Variants in ABCG1 observed in about 807,000 individuals in gnomAD.
The protein encoded by ABCG1 is ATP binding cassette subfamily G member 1, also known as ATP-binding cassette sub-family G member 1.
ABCG1 carries 29 observed loss-of-function variants against 69.2 expected under a neutral mutation model. That is an observed-to-expected ratio of 0.42 (90% CI 0.31 to 0.57). ABCG1 has a LOEUF of 0.57. Ranked by LOEUF, ABCG1 falls within the 20% of genes least tolerant of loss-of-function variation. ABCG1 has a pLI of 0.15. For missense variants in ABCG1, 718 were observed against 898.1 expected (o/e 0.80, Z 2.56); for synonymous variants, 370 against 374.8 (o/e 0.99, Z 0.15).
intron 5 of ABCG1, among the ~76,000 whole-genome samples, chr21:42,281,934 C>T (rs1268972294): frequency 6.6e-6 from 1 of 152,246 alleles, no homozygotes. Context: ...CTGGGCTAGG[C>T]TTAGCAGTGA....
chr21:42,243,437 T>TGTGTGC (rs1354089882), intron 2 of ABCG1, among the ~76,000 whole-genome samples: 37 of 71,466 alleles, frequency 5.2e-4, no homozygotes, highest in Non-Finnish European at 7.7e-4. Context: ...TTTAATACCG[T>TGTGTGC]GTGTGTGCGC....
chr21:42,286,219 C>T, intron 8 of ABCG1: 2 of 506,812 alleles, frequency 3.9e-6, no homozygotes, highest in South Asian at 4.4e-5. Flanking sequence ...CTCCTGTCTC[C>T]ATGTCCTAAT....
intron 2 of ABCG1, among the ~76,000 whole-genome samples, chr21:42,253,955 G>A (rs1819266068): frequency 6.6e-6 from 1 of 152,210 alleles, no homozygotes; most frequent in Non-Finnish European, 1.5e-5. Context: ...ATGCTGAGCT[G>A]TGCATAGCAC....
chr21:42,294,699 G>T, intron 14 of ABCG1, 39 bp downstream of exon 14: 1 of 1,581,028 alleles, frequency 6.3e-7, no homozygotes. Context: ...GGGACCGAGG[G>T]TGACGGGGGA....
At chr21:42,253,262 C>G (rs575424547) in intron 2 of ABCG1, among the ~76,000 whole-genome samples, 2 of 152,248 alleles carry the variant, frequency 1.3e-5, no homozygotes, top group African/African-American at 4.8e-5. Flanking sequence ...AGCAGCAGCT[C>G]CAACTAAGGC....
At chr21:42,226,215 G>C (rs187470640) in intron 2 of ABCG1, among the ~76,000 whole-genome samples, 359 of 152,322 alleles carry the variant, frequency 2.4e-3, no homozygotes, top group Non-Finnish European at 4.0e-3. Context: ...CATGTGCTGA[G>C]AGAGTCCTCT....
Position 42,230,623 on chromosome 21 carries a change from A to T in ABCG1, c.286+4709A>T, listed in dbSNP as rs138751089. On this transcript the variant is annotated intron_variant, in intron 2 of 14. Transcript: ENST00000398449. ...TTCTTCTTAGGTAAAGATGATGGGG[A>T]TGAGCAGATTTTATCGTAAGCTGCT... 6.6e-5 allele frequency among the ~76,000 whole-genome samples: 10 copies of T among 152,370 alleles called. No homozygotes were observed. The East Asian group carries it at 1.9e-3, about 29-fold the overall frequency.
intron 2 of ABCG1, among the ~76,000 whole-genome samples, chr21:42,252,498 G>A (rs1326495481): frequency 6.6e-6 from 1 of 152,170 alleles, no homozygotes; most frequent in Non-Finnish European, 1.5e-5. Flanking sequence ...GGGCCGCCGG[G>A]CAGCTGGGGC....
Position 42,225,748 on chromosome 21 carries a change from C to G in ABCG1, c.120C>G (p.Asn40Lys). ...CGGTGGATGAGGTGGTGTCCAGCAA[C>G]ATGGAGGCCACTGAGACGGACCTGC... ...CVSVDEVVSS[N>K]MEATETDLLN... The change falls in exon 2 of 15, where the codon AAC (asparagine) becomes AAG (lysine). Residue 40 changes from asparagine to lysine, a missense_variant. Around this residue, in one of 2 missense-constraint regions of ABCG1, gnomAD observed 514 missense variants for 574.3 expected, o/e 0.90. Transcript: ENST00000398449. 6.2e-7 allele frequency: 1 copy of G among 1,613,902 alleles called. No homozygotes were observed. The highest frequency in any genetic ancestry group is 8.5e-7 in the Non-Finnish European group (1 of 1,179,984).
chr21:42,231,700 T>C (rs1200659342), intron 2 of ABCG1, among the ~76,000 whole-genome samples: 1 of 152,156 alleles, frequency 6.6e-6, no homozygotes, highest in Non-Finnish European at 1.5e-5. Context: ...GGCAGCCCGG[T>C]TAAAGGCAGA....
intron 5 of ABCG1, among the ~76,000 whole-genome samples, chr21:42,281,633 T>C (rs1186777519): frequency 1.3e-5 from 2 of 152,182 alleles, no homozygotes; most frequent in Non-Finnish European, 2.9e-5. Flanking sequence ...TCAGAGACCT[T>C]GCTTTCAAGT....
intron 2 of ABCG1, among the ~76,000 whole-genome samples, chr21:42,262,661 T>A (rs2068433279): frequency 1.3e-5 from 2 of 152,216 alleles, no homozygotes; most frequent in African/African-American, 4.8e-5. Flanking sequence ...GGAACCGCTC[T>A]GCGGGGCCTG....
chr21:42,285,979 A>C lies in ABCG1; in HGVS notation c.958A>C (p.Asn320His). Reference protein sequence around the residue: ...DLGLNCPTYHNPADFVMEVAS... With the variant: ...DLGLNCPTYHHPADFVMEVAS... ...GGGTCTGAACTGCCCAACCTACCACAACCCAGCAGATTTTGGTAAGCGGAG... is the reference window on the plus strand; with the variant it reads ...GGGTCTGAACTGCCCAACCTACCACCACCCAGCAGATTTTGGTAAGCGGAG... Residue 320 changes from asparagine to histidine, a missense_variant, in exon 8 of 15, where the codon AAC (asparagine) becomes CAC (histidine). Physicochemically the swap from Asn to His is moderately conservative, Grantham distance 68. Transcript: ENST00000398449. 1 of 1,613,350 alleles carries C rather than the reference A, an allele frequency of 6.2e-7. No homozygotes were observed. Among genetic ancestry groups the C allele is most frequent in the Non-Finnish European group, 8.5e-7 (1 of 1,179,330 alleles).
intron 2 of ABCG1, among the ~76,000 whole-genome samples, chr21:42,249,366 G>T (rs796867498): frequency 3.3e-5 from 5 of 152,126 alleles, no homozygotes; most frequent in African/African-American, 1.2e-4. Flanking sequence ...GTGTCATATT[G>T]TGTGTGGACT....
chr21:42,267,498 T>A (rs1007029557), intron 2 of ABCG1, among the ~76,000 whole-genome samples: 2 of 150,976 alleles, frequency 1.3e-5, no homozygotes, highest in African/African-American at 4.9e-5. Context: ...GGGTTCTGTC[T>A]GGGTGTGGTC....
rs1210069753 is a variant in ABCG1 at position 42,219,398 on chromosome 21, T to A, written c.42+94T>A. ...ACTCGCAAGCTCGACCTGACACCCC[T>A]CCCAGGAGCGCGTCCTCTGGGCGCT... On this transcript the variant is annotated intron_variant, in intron 1 of 14. Transcript: ENST00000398449. This position sits in a 1 kb window ranked among gnomAD's most constrained non-coding sequence, Gnocchi z 5.3. 6.6e-6 allele frequency: 10 copies of A among 1,504,684 alleles called. No individual in the cohort carries two copies. The highest frequency in any genetic ancestry group is 8.9e-6 in the Non-Finnish European group (10 of 1,124,972). 93.2% of individuals were successfully genotyped at this position (1,504,684 alleles called of 1,614,324 possible).
intron 2 of ABCG1, among the ~76,000 whole-genome samples, chr21:42,202,469 C>T (rs548153246): frequency 4.6e-5 from 7 of 151,954 alleles, no homozygotes; most frequent in Non-Finnish European, 8.8e-5. Context: ...AACCGGGGGC[C>T]GGCAGGTTAG....
chr21:42,273,232 C>T lies in ABCG1; in HGVS notation c.405-71C>T, dbSNP rs370247318. On this transcript the variant is annotated intron_variant, in intron 3 of 14. Coordinates refer to ENST00000398449, the MANE Select transcript of ABCG1 (RefSeq NM_016818.3). This position sits in a 1 kb window ranked among gnomAD's most constrained non-coding sequence, Gnocchi z 5.3. ...AGGCAAGCCCCCGTCTCTGGCTCCCCTCTCCTGCCCCGGGAGGTGGAGGAG... is the reference window on the plus strand; with the variant it reads ...AGGCAAGCCCCCGTCTCTGGCTCCCTTCTCCTGCCCCGGGAGGTGGAGGAG... The T allele has an allele frequency of 6.5e-7, 1 of 1,544,682 alleles. No individual in the cohort carries two copies.
At chr21:42,250,823 A>G (rs1188500408) in intron 2 of ABCG1, among the ~76,000 whole-genome samples, 1 of 152,150 alleles carries the variant, frequency 6.6e-6, no homozygotes, top group African/African-American at 2.4e-5. Flanking sequence ...GCTGGCATGG[A>G]GGCAGGGTCA....
Sources: gnomAD v4.1 joint callset for allele counts (sites outside exome capture counted in the v4.1 genomes callset) on GRCh38, gnomAD v4.1.1 for gene constraint, gnomAD v4.1.1 regional missense constraint, Gnocchi (gnomAD v3.1) non-coding constraint, MANE v1.5 for transcripts, NCBI Gene and HGNC (gene_info 2026-07-23, HGNC 2026-07-21) for gene names.